The following RANBP2 variants were observed in gnomAD, a reference collection of about 807,000 sequenced individuals.
The protein encoded by RANBP2 is E3 SUMO-protein ligase RanBP2.
A neutral mutation model predicts 303.6 loss-of-function variants in RANBP2; 57 were observed. The ratio of observed to expected loss-of-function variants is 0.19; its 90% CI spans 0.15 to 0.23. The LOEUF is 0.23. Ranked by LOEUF, RANBP2 falls within the 10% of genes least tolerant of loss-of-function variation. The pLI is 1.00. For synonymous variants in RANBP2, 1,167 were observed against 1,301.5 expected, an observed-to-expected ratio of 0.90 and a Z score of 2.23; for missense variants, 3,138 against 3,780.8, an observed-to-expected ratio of 0.83 and a Z score of 4.46.
the RANBP2 span, among the ~76,000 whole-genome samples, chr2:109,340,614 G>A: frequency 1.3e-4 from 20 of 152,246 alleles, no homozygotes; most frequent in East Asian, 1.9e-4. Flanking sequence ...TCCTGGCCCC[G>A]GCACCCAGGG....
the RANBP2 span, among the ~76,000 whole-genome samples, chr2:108,886,390 C>T: frequency 6.6e-6 from 1 of 152,170 alleles, no homozygotes; most frequent in Non-Finnish European, 1.5e-5. Flanking sequence ...TTCTTTTGAA[C>T]AATGTCTATT....
the RANBP2 span, among the ~76,000 whole-genome samples, chr2:109,190,850 A>G: frequency 4.3e-4 from 66 of 151,980 alleles, no homozygotes; most frequent in Non-Finnish European, 7.1e-4. Flanking sequence ...ACATCTGGTT[A>G]AGCACTTACT....
chr2:108,853,873 TATATA>T, the RANBP2 span, among the ~76,000 whole-genome samples: 15 of 125,448 alleles, frequency 1.2e-4, no homozygotes, highest in East Asian at 8.2e-4. Context: ...ATATATATAC[TATATA>T]ATATATTATA....
the RANBP2 span, among the ~76,000 whole-genome samples, chr2:108,811,641 G>A: frequency 1.3e-5 from 2 of 152,030 alleles, no homozygotes; most frequent in South Asian, 4.2e-4. Flanking sequence ...GATTCAGAGG[G>A]TACATGTGCA....
At chr2:108,719,737 G>A in intron 1 of RANBP2, 59 bp downstream of exon 1, 1 of 1,549,704 alleles carries the variant, frequency 6.5e-7, no homozygotes, top group Admixed American at 2.0e-5. Flanking sequence ...GCCTCGCGCT[G>A]CTCAGGCGTC....
At chr2:109,358,129 C>T in the RANBP2 span, among the ~76,000 whole-genome samples, 19,794 of 152,218 alleles carry the variant, frequency 0.13, 1,436 homozygotes, top group Middle Eastern at 0.24. Context: ...GAACGTCATA[C>T]GGTTGAAATC....
At chr2:109,212,253 C>T in the RANBP2 span, among the ~76,000 whole-genome samples, 1 of 152,176 alleles carries the variant, frequency 6.6e-6, no homozygotes, top group Non-Finnish European at 1.5e-5. Context: ...CCTCCAACTC[C>T]ATGAAATGAG....
At chr2:109,419,591 C>T in the RANBP2 span, 28 of 1,597,346 alleles carry the variant, frequency 1.8e-5, no homozygotes, top group South Asian at 9.1e-5. Flanking sequence ...CGGGCTGCCT[C>T]GGTGTCTGGA....
chr2:109,272,301 C>T, the RANBP2 span, among the ~76,000 whole-genome samples: 1 of 152,236 alleles, frequency 6.6e-6, no homozygotes, highest in African/African-American at 2.4e-5. Context: ...GAGCTGATGG[C>T]TACACATCCC....
chr2:109,462,906 G>A, the RANBP2 span, among the ~76,000 whole-genome samples: 31 of 152,348 alleles, frequency 2.0e-4, no homozygotes, highest in African/African-American at 7.0e-4. Flanking sequence ...CTTAGGGTCA[G>A]TTCAGATCCA....
At chr2:108,945,806 A>C in the RANBP2 span, among the ~76,000 whole-genome samples, 1 of 152,214 alleles carries the variant, frequency 6.6e-6, no homozygotes, top group Non-Finnish European at 1.5e-5. Context: ...TAAGCCAGTC[A>C]TGAAAGGACA....
chr2:108,822,629 T>C, the RANBP2 span, among the ~76,000 whole-genome samples: 4 of 152,108 alleles, frequency 2.6e-5, no homozygotes, highest in African/African-American at 9.7e-5. Flanking sequence ...AAGTGAAACC[T>C]CAAACCAAGG....
chr2:108,819,934 A>T, the RANBP2 span, among the ~76,000 whole-genome samples: 1 of 152,256 alleles, frequency 6.6e-6, no homozygotes, highest in Non-Finnish European at 1.5e-5. Flanking sequence ...AACACAAAAA[A>T]CTAAGCAAAG....
chr2:109,732,163 T>C, the RANBP2 span, among the ~76,000 whole-genome samples: 198 of 152,282 alleles, frequency 1.3e-3, 1 homozygote, highest in Non-Finnish European at 1.5e-4. Flanking sequence ...TGGCCATAAG[T>C]GTATATACTA....
At chr2:109,565,611 A>C in the RANBP2 span, 8 of 665,608 alleles carry the variant, frequency 1.2e-5, no homozygotes, top group Non-Finnish European at 1.9e-5. Context: ...GAGGCTCTAC[A>C]CGGCCTCCAG....
At chr2:109,760,439 G>GT in the RANBP2 span, 1 of 954,548 alleles carries the variant, frequency 1.0e-6, no homozygotes, top group Non-Finnish European at 1.2e-6. Context: ...GCGCAGGGCC[G>GT]GGGGCGGCGG....
chr2:108,816,202 T>G, the RANBP2 span: 2 of 904,608 alleles, frequency 2.2e-6, no homozygotes, highest in Non-Finnish European at 3.4e-6. Context: ...TATAATCCCA[T>G]CACTTTGGGA....
At chr2:109,440,956 T>C in the RANBP2 span, among the ~76,000 whole-genome samples, 1 of 151,978 alleles carries the variant, frequency 6.6e-6, no homozygotes, top group African/African-American at 2.4e-5. Context: ...GACGGAAAAA[T>C]TGCAGAAATC....
At chr2:109,233,206 T>A in the RANBP2 span, among the ~76,000 whole-genome samples, 1 of 152,180 alleles carries the variant, frequency 6.6e-6, no homozygotes, top group Non-Finnish European at 1.5e-5. Flanking sequence ...CTTGTCCTCT[T>A]GGTACCCAGG....
Sources: allele counts gnomAD v4.1 joint callset (sites outside exome capture counted in the v4.1 genomes callset), GRCh38; gene constraint gnomAD v4.1.1; transcripts MANE v1.5; gene names NCBI Gene and HGNC (gene_info 2026-07-23, HGNC 2026-07-21).